The following PHACTR4 variants were observed in gnomAD, a reference collection of about 807,000 sequenced individuals.
PHACTR4 encodes phosphatase and actin regulator 4, also known as protein phosphatase 1, regulatory subunit 124.
PHACTR4 carries 51 observed loss-of-function variants against 72.7 expected under a neutral mutation model. The observed-to-expected ratio is 0.70, with a 90% CI of 0.56 to 0.89. PHACTR4 has a LOEUF of 0.89. Among genes scored for constraint, PHACTR4 ranks in the 40% least tolerant of loss-of-function variants. PHACTR4 has a pLI of 0.00. For missense variants in PHACTR4, 731 were observed against 861.8 expected (o/e 0.85, Z 1.90); for synonymous variants, 255 against 302.5 (o/e 0.84, Z 1.63).
intron 2 of PHACTR4, among the ~76,000 whole-genome samples, chr1:28,450,786 A>G (rs1657888451): frequency 1.3e-5 from 2 of 149,624 alleles, no homozygotes; most frequent in South Asian, 2.1e-4. Flanking sequence ...CGCCCAGCCA[A>G]TTGTTGTGTG....
chr1:28,389,076 A>G (rs1447638343), intron 1 of PHACTR4, among the ~76,000 whole-genome samples: 1 of 152,180 alleles, frequency 6.6e-6, no homozygotes, highest in East Asian at 1.9e-4. Flanking sequence ...TGAAGAGACA[A>G]CGTATAGAAT....
At chr1:28,382,277 A>G (rs1396990019) in intron 1 of PHACTR4, among the ~76,000 whole-genome samples, 1 of 151,506 alleles carries the variant, frequency 6.6e-6, no homozygotes, top group Non-Finnish European at 1.5e-5. Context: ...TTGCTTTTGT[A>G]GTAATTGCTT....
Position 28,477,546 on chromosome 1 carries a change from G to A in PHACTR4, c.1606+1255G>A, listed in dbSNP as rs1030602472. ...ACATGAGATATTTTGATATAAGCAT[G>A]TGTGTATGGGTAATTAGGCTATCCA... On this transcript the variant is annotated intron_variant, in intron 8 of 13. Transcript: ENST00000373839. 3.3e-5 allele frequency among the ~76,000 whole-genome samples: 5 copies of A among 152,176 alleles called. 1 individual carries two copies. In the South Asian group the frequency reaches 1.0e-3, roughly 32 times the overall value.
At chr1:28,435,850 C>T (rs1387857683) in intron 2 of PHACTR4, among the ~76,000 whole-genome samples, 5 of 152,210 alleles carry the variant, frequency 3.3e-5, no homozygotes, top group Non-Finnish European at 2.9e-5. Context: ...ACTGCTTTTG[C>T]TCATGGTCTG....
At chr1:28,436,230 A>C (rs1185075079) in intron 2 of PHACTR4, among the ~76,000 whole-genome samples, 1 of 150,494 alleles carries the variant, frequency 6.6e-6, no homozygotes, top group Non-Finnish European at 1.5e-5. Context: ...TAAATGAAAA[A>C]CTCCCATTTT....
chr1:28,440,489 G>A (rs1419558312), intron 2 of PHACTR4, among the ~76,000 whole-genome samples: 4 of 129,998 alleles, frequency 3.1e-5, no homozygotes, highest in Admixed American at 8.6e-5. Context: ...TCCGCCTCCC[G>A]GGTTCACGCC....
In PHACTR4 at chr1:28,496,702, C is replaced by G; in HGVS notation, c.*153C>G. ...ACAGCACTTTGAATGTAGCATTTCACTGGAACAGAGTCTTATGTGCTGCAC... is the reference window on the plus strand; with the variant it reads ...ACAGCACTTTGAATGTAGCATTTCAGTGGAACAGAGTCTTATGTGCTGCAC... On this transcript the variant is annotated 3_prime_UTR_variant, in exon 14 of 14. Coordinates refer to ENST00000373839, the MANE Select transcript of PHACTR4 (RefSeq NM_001048183.3). 1 of 870,312 alleles carries G rather than the reference C, an allele frequency of 1.1e-6. No homozygotes were observed. Among genetic ancestry groups the G allele is most frequent in the South Asian group, 1.4e-5 (1 of 70,564 alleles). The allele number at this position is 870,312 out of a possible 1,614,324, so 53.9% of individuals were successfully genotyped here.
chr1:28,465,843 C>G lies in PHACTR4; in HGVS notation c.430C>G (p.Arg144Gly), dbSNP rs1220665878. The change falls in exon 5 of 14, where the codon CGA (arginine) becomes GGA (glycine). Residue 144 changes from arginine (R) to glycine (G), a missense_variant. Arg to Gly is a moderately radical substitution (Grantham distance 125, BLOSUM62 -2). Around this residue, in one of 2 missense-constraint regions of PHACTR4, gnomAD observed 621 missense variants for 676.6 expected, o/e 0.92. Coordinates refer to ENST00000373839, the MANE Select transcript of PHACTR4 (RefSeq NM_001048183.3). Reference sequence around the variant, plus strand: ...TATTCCAGAAGAGGACCTAAAGAAACGACTAGGTAAGAAACTCTGGATTTT... The same window carrying G: ...TATTCCAGAAGAGGACCTAAAGAAAGGACTAGGTAAGAAACTCTGGATTTT... ...KAIPEEDLKK[R>G]LGSTGSQPNS... 4 of 1,606,296 alleles carry G rather than the reference C, an allele frequency of 2.5e-6. No individual in the cohort carries two copies. Among genetic ancestry groups the G allele is most frequent in the Middle Eastern group, 3.3e-4 (2 of 6,028 alleles).
intron 9 of PHACTR4, among the ~76,000 whole-genome samples, chr1:28,480,849 A>G (rs1660236456): frequency 6.6e-6 from 1 of 151,972 alleles, no homozygotes; most frequent in Non-Finnish European, 1.5e-5. Context: ...CCACCACGCC[A>G]GGCTAATTTT....
At chr1:28,460,897 GC>G (rs972253130) in intron 4 of PHACTR4, among the ~76,000 whole-genome samples, 66 of 152,096 alleles carry the variant, frequency 4.3e-4, no homozygotes, top group African/African-American at 1.5e-3. Context: ...GCCCACCTCG[GC>G]CTCCCAAAGT....
At chr1:28,437,453 C>T (rs1238376061) in intron 2 of PHACTR4, among the ~76,000 whole-genome samples, 2 of 152,100 alleles carry the variant, frequency 1.3e-5, no homozygotes, top group Non-Finnish European at 2.9e-5. Context: ...TGATCTCGAG[C>T]TCTTGGGCTT....
At chr1:28,396,517 C>T (rs887097939) in intron 1 of PHACTR4, among the ~76,000 whole-genome samples, 9 of 150,198 alleles carry the variant, frequency 6.0e-5, no homozygotes, top group Admixed American at 2.7e-4. Flanking sequence ...AGTGACAAAG[C>T]GAAACTCTGT....
At chr1:28,422,590 A>T (rs1655576906) in intron 2 of PHACTR4, 1 of 152,146 alleles carries the variant, frequency 6.6e-6, no homozygotes, top group Admixed American at 6.6e-5. Flanking sequence ...GGAGGGGAGA[A>T]GGAACAAAGA....
intron 2 of PHACTR4, among the ~76,000 whole-genome samples, chr1:28,444,214 C>CTT (rs746642128): frequency 0.014 from 576 of 41,124 alleles, 173 homozygotes; most frequent in Non-Finnish European, 0.022. Flanking sequence ...ATATATTTGG[C>CTT]TTTTTTTTTT....
chr1:28,408,744 C>T (rs2124288384), intron 2 of PHACTR4, among the ~76,000 whole-genome samples: 1 of 150,556 alleles, frequency 6.6e-6, no homozygotes, highest in South Asian at 2.1e-4. Context: ...GGCACCATCA[C>T]AGCTCACTGC....
intron 9 of PHACTR4, among the ~76,000 whole-genome samples, chr1:28,485,947 A>C (rs1660616598): frequency 6.6e-6 from 1 of 152,164 alleles, no homozygotes; most frequent in African/African-American, 2.4e-5. Flanking sequence ...AAGTCTGTTC[A>C]AAAGGTAGAT....
intron 1 of PHACTR4, among the ~76,000 whole-genome samples, chr1:28,405,767 T>G (rs1422269116): frequency 6.6e-6 from 1 of 151,834 alleles, no homozygotes; most frequent in Non-Finnish European, 1.5e-5. Context: ...GGCAGGTGCC[T>G]GTAATCCCAG....
At chr1:28,465,513 G>T (rs1659093041) in intron 4 of PHACTR4, among the ~76,000 whole-genome samples, 172 bp from the exon 5 acceptor site, 1 of 152,110 alleles carries the variant, frequency 6.6e-6, no homozygotes, top group Admixed American at 6.6e-5. Flanking sequence ...CACTTCGGGA[G>T]ACCAAGGCGG....
intron 2 of PHACTR4, chr1:28,438,316 A>G: frequency 6.3e-7 from 1 of 1,581,940 alleles, no homozygotes. Context: ...ATGTGGATTT[A>G]TCTTTTATGA....
Sources: gnomAD v4.1 joint callset for allele counts (sites outside exome capture counted in the v4.1 genomes callset) on GRCh38, gnomAD v4.1.1 for gene constraint, gnomAD v4.1.1 regional missense constraint, MANE v1.5 for transcripts, NCBI Gene and HGNC (gene_info 2026-07-23, HGNC 2026-07-21) for gene names.